Variants in RIN3 observed in about 807,000 individuals in gnomAD.
The protein encoded by RIN3 is Ras and Rab interactor 3, also known as RAB5 interacting protein 3.
RIN3 carries 54 observed loss-of-function variants against 76.3 expected under a neutral mutation model. The ratio of observed to expected loss-of-function variants is 0.71; its 90% CI spans 0.57 to 0.89. The LOEUF (loss-of-function observed/expected upper bound fraction) is 0.89. RIN3 is among the 40% of genes least tolerant of loss of function. The pLI is 0.00. For missense variants in RIN3, 1,256 were observed against 1,322.1 expected, an observed-to-expected ratio of 0.95 and a Z score of 0.78; for synonymous variants, 576 against 564.0, an observed-to-expected ratio of 1.02 and a Z score of -0.30.
At chr14:92,557,458 C>T (rs1004635090) in intron 2 of RIN3, among the ~76,000 whole-genome samples, 2 of 152,230 alleles carry the variant, frequency 1.3e-5, no homozygotes, top group African/African-American at 2.4e-5. Context: ...GTGGTTGCAG[C>T]GCTTGTCTGC....
At chr14:92,664,418 A>AGTGCAGTG (rs1033465205) in intron 7 of RIN3, among the ~76,000 whole-genome samples, 2 of 118,906 alleles carry the variant, frequency 1.7e-5, no homozygotes, top group East Asian at 5.5e-4. Flanking sequence ...CCCAGGCTGG[A>AGTGCAGTG]GTGCAGTGGC....
intron 2 of RIN3, among the ~76,000 whole-genome samples, chr14:92,561,055 A>ATATATC (rs71123360): frequency 2.3e-4 from 18 of 79,152 alleles, no homozygotes; most frequent in Non-Finnish European, 3.0e-4. Context: ...ATATATATAT[A>ATATATC]TCTGCCATAT....
Position 92,659,245 on chromosome 14 carries a change from G to A in RIN3, c.2111G>A (p.Ser704Asn). The change falls in exon 7 of 10, where the codon AGC (serine) becomes AAC (asparagine). Residue 704 changes from serine (S) to asparagine (N), a missense_variant. Physicochemically the swap from Ser to Asn is conservative, Grantham distance 46. This residue lies in a region of RIN3 where 428 missense variants were observed against 521.2 expected (regional missense o/e 0.82). Transcript: ENST00000216487. ...AINSCLHQIH[S>N]KDGSLQQLKE... Reference sequence around the variant, plus strand: ...AACTCATGCCTGCATCAGATCCACAGCAAGGATGGTTCGCTGCAGCAGCTC... The same window carrying A: ...AACTCATGCCTGCATCAGATCCACAACAAGGATGGTTCGCTGCAGCAGCTC... 6.2e-7 allele frequency: 1 copy of A among 1,614,198 alleles called. No individual in the cohort carries two copies. The highest frequency in any genetic ancestry group is 8.5e-7 in the Non-Finnish European group (1 of 1,180,016).
At chr14:92,563,326 A>G (rs968456869) in intron 2 of RIN3, among the ~76,000 whole-genome samples, 7 of 152,158 alleles carry the variant, frequency 4.6e-5, no homozygotes, top group Non-Finnish European at 1.0e-4. Flanking sequence ...GCACCACTGC[A>G]CTCCAGCCTG....
intron 8 of RIN3, among the ~76,000 whole-genome samples, chr14:92,684,186 C>CA (rs1474540032): frequency 1.3e-5 from 2 of 152,132 alleles, no homozygotes; most frequent in African/African-American, 4.8e-5. Flanking sequence ...TCAAGACCAG[C>CA]ATGGCCAGCA....
chr14:92,580,367 C>A (rs1004055072), intron 3 of RIN3, among the ~76,000 whole-genome samples: 3 of 152,132 alleles, frequency 2.0e-5, no homozygotes, highest in Non-Finnish European at 4.4e-5. Flanking sequence ...TCCGTCTCAA[C>A]AACAACAAAA....
intron 1 of RIN3, among the ~76,000 whole-genome samples, chr14:92,550,105 A>G (rs538853136): frequency 6.6e-6 from 1 of 152,294 alleles, no homozygotes; most frequent in Admixed American, 6.5e-5. Flanking sequence ...GTGTCATCAC[A>G]GCTGTAAAAC....
At position 92,651,655 on chromosome 14, in the gene RIN3, C is replaced by T. The variant is rs769023956; in HGVS notation, c.606C>T (p.Pro202=). 8.7e-6 allele frequency: 14 copies of T among 1,613,670 alleles called. No individual in the cohort carries two copies. The highest frequency in any genetic ancestry group is 4.0e-5 in the African/African-American group (3 of 74,864). ...CAGAGCCCCCAAGAGACCGGGCCCCCGGATTCCCCCTAGTCTCCAGCCTCA... is the reference window on the plus strand; with the variant it reads ...CAGAGCCCCCAAGAGACCGGGCCCCTGGATTCCCCCTAGTCTCCAGCCTCA... ...KPAEPPRDRA[P]GFPLVSSLRP... is the part of the protein sequence containing the mutation. The change falls in exon 6 of 10, where the codon CCC becomes CCT. Residue 202 remains proline (P), a synonymous_variant. Transcript: ENST00000216487.
rs370840143 is a variant in RIN3 at position 92,528,578 on chromosome 14, C to T, written c.44+14602C>T. On this transcript the variant is annotated intron_variant, in intron 1 of 9. Coordinates refer to ENST00000216487, the MANE Select transcript of RIN3 (RefSeq NM_024832.5). ...CAGTTTGCACTGCCTCTTGTGACCC[C>T]GTGGGGGTGTGGACGGCATGATCAT... Among the ~76,000 whole-genome samples, 218 of 152,308 alleles carry T rather than the reference C, an allele frequency of 1.4e-3. 4 individuals are homozygous for T. In the South Asian group the frequency reaches 0.04, roughly 28 times the overall value.
chr14:92,653,431 G>A (rs1887548930), intron 6 of RIN3, among the ~76,000 whole-genome samples: 1 of 152,192 alleles, frequency 6.6e-6, no homozygotes. Flanking sequence ...GGCCCGGCGA[G>A]ATCTGGCTGA....
chr14:92,622,624 T>C (rs559665817), intron 4 of RIN3, among the ~76,000 whole-genome samples: 1 of 152,282 alleles, frequency 6.6e-6, no homozygotes, highest in East Asian at 1.9e-4. Context: ...TCCTGTGTCT[T>C]CCCCCTGTGG....
Position 92,648,740 on chromosome 14 carries a change from CAG to C in RIN3, c.533-2838_533-2837del, listed in dbSNP as rs1005460539. Among the ~76,000 whole-genome samples the C allele has an allele frequency of 3.6e-4, 55 of 152,310 alleles. No individual in the cohort carries two copies. The highest frequency in any genetic ancestry group is 1.2e-3 in the African/African-American group (51 of 41,562). ...TCTGGTGGGAAAGTCAGGCAAAAAA[CAG>C]AGAATTACAGTCCCAGTGATGGTCA... On this transcript the variant is annotated intron_variant, in intron 5 of 9. Transcript: ENST00000216487. This position sits in a 1 kb window ranked among gnomAD's most constrained non-coding sequence, Gnocchi z 4.1.
chr14:92,652,952 A>G lies in RIN3; in HGVS notation c.1903A>G (p.Thr635Ala). ...CAGCCTGGAGATGATGGCGCGCCAGACCTCCAGCACGGAGATGCTGCAGGA... is the reference window on the plus strand; with the variant it reads ...CAGCCTGGAGATGATGGCGCGCCAGGCCTCCAGCACGGAGATGCTGCAGGA... The part of the protein sequence containing the change: ...VYSLEMMARQ[T>A]SSTEMLQEIR... Residue 635 changes from threonine (T) to alanine (A), a missense_variant, in exon 6 of 10, where the codon ACC becomes GCC. This residue lies in a region of RIN3 where 428 missense variants were observed against 521.2 expected (regional missense o/e 0.82). Coordinates refer to ENST00000216487, the MANE Select transcript of RIN3 (RefSeq NM_024832.5). The surrounding 1 kb of genome is among the most constrained non-coding windows in gnomAD (Gnocchi z 6.4). The G allele has an allele frequency of 1.2e-6, 2 of 1,613,662 alleles. No individual in the cohort carries two copies. The highest frequency in any genetic ancestry group is 1.7e-6 in the Non-Finnish European group (2 of 1,180,012).
At chr14:92,609,843 CTGTGTG>C (rs34350495) in intron 3 of RIN3, among the ~76,000 whole-genome samples, 7,241 of 138,330 alleles carry the variant, frequency 0.052, 308 homozygotes, top group East Asian at 0.19. Flanking sequence ...GAAATTCAGT[CTGTGTG>C]TGTGTGTGTG....
chr14:92,685,130 G>GCCTCCCGCT lies in RIN3; in HGVS notation c.2617_2625dup (p.Arg873_Ser875dup). The stretch of plus-strand genomic sequence containing the variant: ...CCGGCGTACTCTCAACAAGGCCCGG[G>GCCTCCCGCT]CCTCCCGCTCCTCCGTACAGGTGAG... On this transcript the variant is annotated inframe_insertion, in exon 9 of 10. Coordinates refer to ENST00000216487, the MANE Select transcript of RIN3 (RefSeq NM_024832.5). This position sits in a 1 kb window ranked among gnomAD's most constrained non-coding sequence, Gnocchi z 4.7. The GCCTCCCGCT allele has an allele frequency of 6.2e-7, 1 of 1,612,314 alleles. No homozygotes were observed. Among genetic ancestry groups the GCCTCCCGCT allele is most frequent in the South Asian group, 1.1e-5 (1 of 91,000 alleles).
At chr14:92,530,457 A>T (rs1319550281) in intron 1 of RIN3, among the ~76,000 whole-genome samples, 4 of 152,232 alleles carry the variant, frequency 2.6e-5, no homozygotes, top group Admixed American at 2.0e-4. Flanking sequence ...TGACACTACT[A>T]ATTGCAGCGA....
intron 3 of RIN3, among the ~76,000 whole-genome samples, chr14:92,583,216 C>T (rs1018798616): frequency 6.6e-6 from 1 of 152,158 alleles, no homozygotes; most frequent in African/African-American, 2.4e-5. Context: ...TGTTGGGGTT[C>T]CCCACACAGA....
intron 4 of RIN3, among the ~76,000 whole-genome samples, chr14:92,628,049 T>C (rs1380539637): frequency 6.6e-6 from 1 of 152,170 alleles, no homozygotes; most frequent in African/African-American, 2.4e-5. Flanking sequence ...TCCGATTGGC[T>C]ACTGTTGACA....
In RIN3 at chr14:92,514,238, GC is replaced by G. The variant is rs1444482684; in HGVS notation, c.44+263del. Among the ~76,000 whole-genome samples the G allele has an allele frequency of 6.6e-6, 1 of 152,108 alleles. No individual in the cohort carries two copies. The highest frequency in any genetic ancestry group is 1.5e-5 in the Non-Finnish European group (1 of 67,998). On this transcript the variant is annotated intron_variant, in intron 1 of 9. Coordinates refer to ENST00000216487, the MANE Select transcript of RIN3 (RefSeq NM_024832.5). The surrounding 1 kb of genome is among the most constrained non-coding windows in gnomAD (Gnocchi z 7.2). ...GGGAACCCAGTGCACACTTTAGGCT[GC>G]TGGTGGACGGATTACGAGGGAGTGC...
Sources: allele counts gnomAD v4.1 joint callset (sites outside exome capture counted in the v4.1 genomes callset), GRCh38; gene constraint gnomAD v4.1.1; regional missense constraint gnomAD v4.1.1; non-coding constraint Gnocchi (gnomAD v3.1); transcripts MANE v1.5; gene names NCBI Gene and HGNC (gene_info 2026-07-23, HGNC 2026-07-21).